GABBR2: variants seen among roughly 807,000 people sequenced by gnomAD.
GABBR2 encodes the protein G-protein coupled receptor 51.
GABBR2 carries 23 observed loss-of-function variants against 105.6 expected under a neutral mutation model. The ratio of observed to expected loss-of-function variants is 0.22; its 90% CI spans 0.16 to 0.31. The LOEUF is 0.31. Ranked by LOEUF, GABBR2 falls within the 10% of genes least tolerant of loss-of-function variation. The pLI, the probability that GABBR2 is intolerant of heterozygous loss-of-function variation, is 1.00. For synonymous variants in GABBR2, 478 were observed against 499.7 expected (o/e 0.96, Z 0.58); for missense variants, 734 against 1,245.5 (o/e 0.59, Z 6.18).
chr9:98,324,263 C>G (rs1045864790), intron 13 of GABBR2, among the ~76,000 whole-genome samples: 1 of 152,210 alleles, frequency 6.6e-6, no homozygotes, highest in Non-Finnish European at 1.5e-5. Context: ...TTCCCTGCTA[C>G]ATCTTAGATT....
chr9:98,641,681 C>T (rs753256717), intron 1 of GABBR2, among the ~76,000 whole-genome samples: 1 of 152,134 alleles, frequency 6.6e-6, no homozygotes, highest in Non-Finnish European at 1.5e-5. Context: ...AGTAGAGAAT[C>T]CATTCTGCCT....
intron 3 of GABBR2, among the ~76,000 whole-genome samples, chr9:98,536,436 G>A (rs1055986028): frequency 6.6e-6 from 1 of 152,206 alleles, no homozygotes; most frequent in African/African-American, 2.4e-5. Flanking sequence ...ATAACTTGGT[G>A]AGGATGGTTG....
At chr9:98,661,235 A>G (rs1250812854) in intron 1 of GABBR2, among the ~76,000 whole-genome samples, 1 of 152,196 alleles carries the variant, frequency 6.6e-6, no homozygotes, top group Non-Finnish European at 1.5e-5. Context: ...TTACATCTTC[A>G]AACTCCCTTT....
At chr9:98,437,563 A>G (rs1034791775) in intron 7 of GABBR2, among the ~76,000 whole-genome samples, 2 of 151,354 alleles carry the variant, frequency 1.3e-5, no homozygotes, top group African/African-American at 4.9e-5. Flanking sequence ...CTATCCTTTC[A>G]TCCATCCATC....
intron 2 of GABBR2, among the ~76,000 whole-genome samples, chr9:98,563,068 CAAAAAAAAAAAAAA>C (rs56185925): frequency 2.3e-3 from 144 of 63,030 alleles, no homozygotes; most frequent in African/African-American, 6.8e-3. Context: ...AGACCCTGTC[CAAAAAAAAAAAAAA>C]AAAAAAAAAA....
At chr9:98,505,303 T>G (rs1827486427) in intron 3 of GABBR2, among the ~76,000 whole-genome samples, 1 of 152,176 alleles carries the variant, frequency 6.6e-6, no homozygotes, top group Non-Finnish European at 1.5e-5. Context: ...TAACCAGATT[T>G]GAAAGTAAGT....
intron 3 of GABBR2, among the ~76,000 whole-genome samples, chr9:98,538,123 C>A (rs116524188): frequency 2.3e-3 from 346 of 152,344 alleles, no homozygotes; most frequent in African/African-American, 8.1e-3. Context: ...ACCTACTACA[C>A]AGAGATCTTT....
chr9:98,507,100 G>T (rs1358886111), intron 3 of GABBR2, among the ~76,000 whole-genome samples: 1 of 152,174 alleles, frequency 6.6e-6, no homozygotes, highest in Non-Finnish European at 1.5e-5. Context: ...GATCAGCCAG[G>T]CTGATGGAAA....
intron 1 of GABBR2, among the ~76,000 whole-genome samples, chr9:98,621,075 C>A (rs779784269): frequency 2.0e-5 from 3 of 152,194 alleles, no homozygotes. Flanking sequence ...CTCTTATCTG[C>A]GCAGCAATTA....
intron 13 of GABBR2, among the ~76,000 whole-genome samples, chr9:98,344,323 G>C (rs1831268061): frequency 6.6e-6 from 1 of 152,130 alleles, no homozygotes; most frequent in African/African-American, 2.4e-5. Flanking sequence ...AAAAAAGAGA[G>C]CTATTTTCCT....
At chr9:98,502,406 C>T (rs1827419379) in intron 3 of GABBR2, among the ~76,000 whole-genome samples, 1 of 152,168 alleles carries the variant, frequency 6.6e-6, no homozygotes, top group African/African-American at 2.4e-5. Context: ...CACAGAACAG[C>T]TGCCAGAGGA....
intron 16 of GABBR2, among the ~76,000 whole-genome samples, chr9:98,299,992 A>G (rs926906924): frequency 1.3e-5 from 2 of 151,264 alleles, no homozygotes; most frequent in African/African-American, 4.9e-5. Context: ...CCTCCTGAGT[A>G]GCTGGGACTA....
At chr9:98,464,254 T>G (rs1342771525) in intron 6 of GABBR2, among the ~76,000 whole-genome samples, 1 of 151,172 alleles carries the variant, frequency 6.6e-6, no homozygotes, top group East Asian at 2.0e-4. Context: ...CCGCCCCGTC[T>G]GGGAAGTGAG....
At position 98,306,513 on chromosome 9, in the gene GABBR2, C is replaced by T; in HGVS notation, c.2005-168G>A. The stretch of plus-strand genomic sequence containing the variant: ...TCTTCTGGATGTCACCATCTGTCCC[C>T]ACTTGTGGCCCTGCTGAGTCCTGCT... On this transcript the variant is annotated intron_variant, in intron 14 of 18. Transcript: ENST00000259455. The surrounding 1 kb of genome is among the most constrained non-coding windows in gnomAD (Gnocchi z 5.4). 1 of 632,232 alleles carries T rather than the reference C, an allele frequency of 1.6e-6. No homozygotes were observed. Among genetic ancestry groups the T allele is most frequent in the South Asian group, 1.8e-5 (1 of 54,464 alleles). The allele number at this position is 632,232 out of a possible 1,614,324, so 39.2% of individuals were successfully genotyped here. A position where few individuals can be genotyped will look rare whatever the true frequency, so the allele number is the denominator to read the frequency against.
chr9:98,670,434 GT>G, intron 1 of GABBR2, among the ~76,000 whole-genome samples: 1 of 152,274 alleles, frequency 6.6e-6, no homozygotes, highest in South Asian at 2.1e-4. Flanking sequence ...CAATATGGCG[GT>G]TCCCCCCTAA....
At position 98,444,624 on chromosome 9, in the gene GABBR2, G is replaced by T. The variant is rs111835682; in HGVS notation, c.1236+9357C>A. 3.0e-3 allele frequency among the ~76,000 whole-genome samples: 463 copies of T among 152,174 alleles called. 4 individuals carry two copies. The highest frequency in any genetic ancestry group is 0.011 in the African/African-American group (448 of 41,496). ...GTAAACAGGGCAGTCACACAGCAAGGATTATTATTATTATAGTTGTTGTTT... is the reference window on the plus strand; with the variant it reads ...GTAAACAGGGCAGTCACACAGCAAGTATTATTATTATTATAGTTGTTGTTT... On this transcript the variant is annotated intron_variant, in intron 7 of 18. Transcript: ENST00000259455.
chr9:98,609,259 C>T (rs1035617454), intron 1 of GABBR2, among the ~76,000 whole-genome samples: 4 of 152,126 alleles, frequency 2.6e-5, no homozygotes, highest in Non-Finnish European at 4.4e-5. Context: ...CTGAATTCTG[C>T]CCCCACTCCC....
chr9:98,421,696 T>G (rs1832785060), intron 7 of GABBR2, among the ~76,000 whole-genome samples: 1 of 152,198 alleles, frequency 6.6e-6, no homozygotes, highest in Admixed American at 6.5e-5. Context: ...AGCACATTTT[T>G]GGAAGGAAAT....
rs1830901670 is a variant in GABBR2, at chr9:98,706,884, C to T, written c.321+1533G>A. Among the ~76,000 whole-genome samples, 5 of 152,176 alleles carry T rather than the reference C, an allele frequency of 3.3e-5. No homozygotes were observed. The South Asian group carries it at 1.0e-3, about 32-fold the overall frequency. ...CCATTTATGTGTGCCAGACAAGTAC[C>T]CCCACAGAACTTGAGATGCTCAGGC... On this transcript the variant is annotated intron_variant, in intron 1 of 18. Coordinates refer to ENST00000259455, the MANE Select transcript of GABBR2 (RefSeq NM_005458.8).
Sources: allele counts gnomAD v4.1 joint callset (sites outside exome capture counted in the v4.1 genomes callset), GRCh38; gene constraint gnomAD v4.1.1; non-coding constraint Gnocchi (gnomAD v3.1); transcripts MANE v1.5; gene names NCBI Gene and HGNC (gene_info 2026-07-23, HGNC 2026-07-21).